Variants in RGMA observed in about 807,000 individuals in gnomAD.
RGMA encodes the protein repulsive guidance molecule BMP co-receptor a.
In RGMA, 10 loss-of-function variants were observed where a neutral mutation model predicts 23.2. The ratio of observed to expected loss-of-function variants is 0.43; its 90% CI spans 0.27 to 0.73. The LOEUF is 0.73. RGMA is among the 30% of genes least tolerant of loss of function. RGMA has a pLI of 0.20. For missense variants in RGMA, 547 were observed against 630.5 expected (o/e 0.87, Z 1.42); for synonymous variants, 308 against 279.3 (o/e 1.10, Z -1.03).
intron 1 of RGMA, among the ~76,000 whole-genome samples, chr15:93,079,896 G>C (rs916622081): frequency 6.6e-6 from 1 of 152,158 alleles, no homozygotes; most frequent in African/African-American, 2.4e-5. Flanking sequence ...TGTGGACACA[G>C]GTGCCACATG....
At chr15:93,080,668 C>A (rs537673096) in intron 1 of RGMA, among the ~76,000 whole-genome samples, 2 of 152,334 alleles carry the variant, frequency 1.3e-5, no homozygotes, top group East Asian at 3.9e-4. Flanking sequence ...TCAGTTCAGG[C>A]TGGGCTGGGC....
At position 93,037,420 on chromosome 15, in the gene RGMA, A is replaced by G. The variant is rs575482509; in HGVS notation, c.*7578T>C. On this transcript the variant is annotated 3_prime_UTR_variant, in exon 4 of 4. Coordinates refer to ENST00000329082, the MANE Select transcript of RGMA (RefSeq NM_020211.3). The surrounding 1 kb of genome is among the most constrained non-coding windows in gnomAD (Gnocchi z 4.3). ...AACACAAGGTCCCTCCCCCTAGGCC[A>G]GGGCGTGGCGGGGTAGGGTGGGGCT... 6.6e-6 allele frequency: 1 copy of G among 152,404 alleles called. No homozygotes were observed. Among genetic ancestry groups the G allele is most frequent in the African/African-American group, 2.4e-5 (1 of 41,584 alleles). 9.4% of individuals were successfully genotyped at this position (152,404 alleles called of 1,614,324 possible).
chr15:93,084,741 G>A (rs1205337913), intron 1 of RGMA, among the ~76,000 whole-genome samples: 2 of 152,152 alleles, frequency 1.3e-5, no homozygotes, highest in African/African-American at 2.4e-5. Flanking sequence ...CCAAAGTGCT[G>A]GGATTACAGG....
Position 93,036,841 on chromosome 15 carries a change from T to C in RGMA, c.*8157A>G, listed in dbSNP as rs2054666563. On this transcript the variant is annotated 3_prime_UTR_variant, in exon 4 of 4. Coordinates refer to ENST00000329082, the MANE Select transcript of RGMA (RefSeq NM_020211.3). Reference sequence around the variant, plus strand: ...TGTAACCTGGAGTGGGTCAGTTGGCTTCTCTTTGCTTCTGTCTGTCCGTCT... The same window carrying C: ...TGTAACCTGGAGTGGGTCAGTTGGCCTCTCTTTGCTTCTGTCTGTCCGTCT... 1 of 152,322 alleles carries C rather than the reference T, an allele frequency of 6.6e-6. No individual in the cohort carries two copies. The highest frequency in any genetic ancestry group is 2.1e-4 in the South Asian group (1 of 4,832). The allele number at this position is 152,322 out of a possible 1,614,324, so 9.4% of individuals were successfully genotyped here.
Position 93,063,771 on chromosome 15 carries a change from G to T in RGMA, c.130+9145C>A, listed in dbSNP as rs374120216. On this transcript the variant is annotated intron_variant, in intron 2 of 3. Coordinates refer to ENST00000329082, the MANE Select transcript of RGMA (RefSeq NM_020211.3). ...GAATCCACTGGAAATTTTCTAGGAGGTTTTCTCTAGAAACCAGCCACAGGA... is the reference window on the plus strand; with the variant it reads ...GAATCCACTGGAAATTTTCTAGGAGTTTTTCTCTAGAAACCAGCCACAGGA... Among the ~76,000 whole-genome samples, 15 of 152,312 alleles carry T rather than the reference G, an allele frequency of 9.8e-5. No individual in the cohort carries two copies. In the East Asian group the frequency reaches 2.3e-3, roughly 23 times the overall value.
intron 1 of RGMA, among the ~76,000 whole-genome samples, chr15:93,079,393 T>C (rs995524948): frequency 1.3e-5 from 2 of 152,254 alleles, no homozygotes; most frequent in Non-Finnish European, 2.9e-5. Context: ...CCTTAAAGAA[T>C]GCTAATAGAT....
intron 1 of RGMA, chr15:93,074,143 G>T: frequency 1.7e-6 from 1 of 601,882 alleles, no homozygotes; most frequent in Non-Finnish European, 2.3e-6. Context: ...ATAGTCCTGA[G>T]CAAGTGTTCT....
chr15:93,064,401 G>T (rs531343901), intron 2 of RGMA, among the ~76,000 whole-genome samples: 29 of 152,358 alleles, frequency 1.9e-4, no homozygotes, highest in African/African-American at 7.0e-4. Flanking sequence ...GTCTAGGGCT[G>T]GCGCTGCCTC....
In RGMA at chr15:93,043,617, G is replaced by A. The variant is rs2054760041; in HGVS notation, c.*1381C>T. On this transcript the variant is annotated 3_prime_UTR_variant, in exon 4 of 4. Transcript: ENST00000329082. ...ATAGGGACCAACTAAAACCAGCAGG[G>A]AGAGGGAGGGGCCGGGCCCCGAGCG... 1 of 152,338 alleles carries A rather than the reference G, an allele frequency of 6.6e-6. No homozygotes were observed. Among genetic ancestry groups the A allele is most frequent in the Non-Finnish European group, 1.5e-5 (1 of 68,052 alleles). 9.4% of individuals were successfully genotyped at this position (152,338 alleles called of 1,614,324 possible).
chr15:93,061,363 C>T (rs998376398), intron 2 of RGMA, among the ~76,000 whole-genome samples: 2 of 152,132 alleles, frequency 1.3e-5, no homozygotes, highest in East Asian at 1.9e-4. Context: ...TGCCCAGGCT[C>T]GGCCACGAAC....
chr15:93,055,935 G>A (rs1361213118), intron 2 of RGMA, among the ~76,000 whole-genome samples: 1 of 152,188 alleles, frequency 6.6e-6, no homozygotes, highest in Non-Finnish European at 1.5e-5. Flanking sequence ...CAGAACTCTG[G>A]GGTATGTGGG....
chr15:93,046,265 T>G (rs928171953), intron 3 of RGMA, among the ~76,000 whole-genome samples: 4 of 152,056 alleles, frequency 2.6e-5, no homozygotes, highest in Admixed American at 2.6e-4. Context: ...GAGGAGAAGG[T>G]GATGTGCTCA....
chr15:93,063,099 G>A (rs1035226720), intron 2 of RGMA: 1 of 152,208 alleles, frequency 6.6e-6, no homozygotes, highest in Non-Finnish European at 1.5e-5. Context: ...CTGAAGAGGC[G>A]ATGGCTTCAA....
Position 93,065,704 on chromosome 15 carries a change from G to A in RGMA, c.130+7212C>T, listed in dbSNP as rs558181864. The A allele has an allele frequency of 7.7e-5, 92 of 1,191,000 alleles. No homozygotes were observed. In the African/African-American group the frequency reaches 1.3e-3, roughly 16 times the overall value. 73.8% of individuals were successfully genotyped at this position (1,191,000 alleles called of 1,614,324 possible). ...CTGCTGGAAGTAGGGGTGGTTTCGT[G>A]GGCCCTGGGGCTCAGGCCGGGGACC... On this transcript the variant is annotated intron_variant, in intron 2 of 3. Coordinates refer to ENST00000329082, the MANE Select transcript of RGMA (RefSeq NM_020211.3).
rs148021617 is a variant in RGMA, at chr15:93,077,632, AG to A, written c.15-4602del. Among the ~76,000 whole-genome samples the A allele has an allele frequency of 9.2e-5, 14 of 152,362 alleles. No individual in the cohort carries two copies. The East Asian group carries it at 2.7e-3, about 29-fold the overall frequency. ...TTCAGTTCTGGTCCGACTCCAACATAGGATCGGTTTAGGGCAGCAATCTTGT... is the reference window on the plus strand; with the variant it reads ...TTCAGTTCTGGTCCGACTCCAACATAGATCGGTTTAGGGCAGCAATCTTGT... On this transcript the variant is annotated intron_variant, in intron 1 of 3. Transcript: ENST00000329082.
At chr15:93,047,555 C>T (rs2054844301) in intron 3 of RGMA, among the ~76,000 whole-genome samples, 1 of 152,114 alleles carries the variant, frequency 6.6e-6, no homozygotes, top group Admixed American at 6.5e-5. Context: ...ACCCCTCACC[C>T]CTCTGTAGGT....
chr15:93,081,466 A>G (rs1005630110), intron 1 of RGMA, among the ~76,000 whole-genome samples: 1 of 152,240 alleles, frequency 6.6e-6, no homozygotes, highest in Non-Finnish European at 1.5e-5. Flanking sequence ...CCTTAGAAAC[A>G]TTCAGCAACC....
At chr15:93,064,489 C>A (rs2141829523) in intron 2 of RGMA, among the ~76,000 whole-genome samples, 1 of 152,342 alleles carries the variant, frequency 6.6e-6, no homozygotes, top group Admixed American at 6.5e-5. Flanking sequence ...ATGCTGCCGG[C>A]AGGCAGGCCT....
In RGMA at chr15:93,036,356, A is replaced by G. The variant is rs1335818102; in HGVS notation, c.*8642T>C. On this transcript the variant is annotated 3_prime_UTR_variant, in exon 4 of 4. Transcript: ENST00000329082. The stretch of plus-strand genomic sequence containing the variant: ...CTCTTGTTTTATGCAACCAACACCC[A>G]CCCTGGGGCACTTGCCTTAAGGGAT... 1 of 152,102 alleles carries G rather than the reference A, an allele frequency of 6.6e-6. No homozygotes were observed. Among genetic ancestry groups the G allele is most frequent in the African/African-American group, 2.4e-5 (1 of 41,392 alleles). The allele number at this position is 152,102 out of a possible 1,614,324, so 9.4% of individuals were successfully genotyped here. A position where few individuals can be genotyped will look rare whatever the true frequency, so the allele number is the denominator to read the frequency against.
Sources: gnomAD v4.1 joint callset for allele counts (sites outside exome capture counted in the v4.1 genomes callset) on GRCh38, gnomAD v4.1.1 for gene constraint, Gnocchi (gnomAD v3.1) non-coding constraint, MANE v1.5 for transcripts, NCBI Gene and HGNC (gene_info 2026-07-23, HGNC 2026-07-21) for gene names.